The following NCKAP5L variants were observed in gnomAD, a reference collection of about 807,000 sequenced individuals.
NCKAP5L encodes nck-associated protein 5-like.
In NCKAP5L, 54 loss-of-function variants were observed where a neutral mutation model predicts 103.2. The ratio of observed to expected loss-of-function variants is 0.52; its 90% CI spans 0.42 to 0.66. The LOEUF (loss-of-function observed/expected upper bound fraction) is 0.66. NCKAP5L is among the 30% of genes least tolerant of loss of function. The pLI, the probability that NCKAP5L is intolerant of heterozygous loss-of-function variation, is 0.00. For synonymous variants in NCKAP5L, 762 were observed against 748.6 expected, an observed-to-expected ratio of 1.02 and a Z score of -0.29; for missense variants, 1,733 against 1,750.6, an observed-to-expected ratio of 0.99 and a Z score of 0.18.
chr12:49,797,430 C>T lies in NCKAP5L; in HGVS notation c.466-36G>A, dbSNP rs745725265. 1 of 1,479,352 alleles carries T rather than the reference C, an allele frequency of 6.8e-7. No homozygotes were observed. Among genetic ancestry groups the T allele is most frequent in the Admixed American group, 2.0e-5 (1 of 49,900 alleles). The allele number at this position is 1,479,352 out of a possible 1,614,324, so 91.6% of individuals were successfully genotyped here. A position where few individuals can be genotyped will look rare whatever the true frequency, so the allele number is the denominator to read the frequency against. On this transcript the variant is annotated intron_variant, in intron 7 of 12. Coordinates refer to ENST00000335999, the MANE Select transcript of NCKAP5L (RefSeq NM_001037806.4). This position sits in a 1 kb window ranked among gnomAD's most constrained non-coding sequence, Gnocchi z 4.5. The stretch of plus-strand genomic sequence containing the variant: ...AGATGATGGCATGAGGAGGAGACCA[C>T]ACACAGCTGGGATCCAGTTCCAGGC...
intron 1 of NCKAP5L, among the ~76,000 whole-genome samples, chr12:49,807,246 CGTGTGTGTGTGTGT>C (rs67299530): frequency 6.7e-6 from 1 of 149,162 alleles, no homozygotes; most frequent in Non-Finnish European, 1.5e-5. Flanking sequence ...AATGCTTCTT[CGTGTGTGTGTGTGT>C]GTGTGTGTGT....
At position 49,795,889 on chromosome 12, in the gene NCKAP5L, G is replaced by T; in HGVS notation, c.1971C>A (p.Gly657=). 6.5e-7 allele frequency: 1 copy of T among 1,545,094 alleles called. No homozygotes were observed. Among genetic ancestry groups the T allele is most frequent in the African/African-American group, 1.4e-5 (1 of 72,118 alleles). The part of the protein sequence containing the change: ...QGSGRRPGDP[G]STPLRDRLAA... ...CCAGTCTGTCCCGCAGAGGTGTGCTGCCAGGATCCCCAGGTCGCCGTCCTG... is the reference window on the plus strand; with the variant it reads ...CCAGTCTGTCCCGCAGAGGTGTGCTTCCAGGATCCCCAGGTCGCCGTCCTG... The change falls in exon 8 of 13, where the codon GGC becomes GGA. Residue 657 remains glycine (G), a synonymous_variant. Coordinates refer to ENST00000335999, the MANE Select transcript of NCKAP5L (RefSeq NM_001037806.4).
chr12:49,793,746 T>C lies in NCKAP5L; in HGVS notation c.3246A>G (p.Lys1082=). 1 of 1,552,814 alleles carries C rather than the reference T, an allele frequency of 6.4e-7. No homozygotes were observed. The highest frequency in any genetic ancestry group is 8.7e-7 in the Non-Finnish European group (1 of 1,150,502). Residue 1082 remains lysine, a synonymous_variant, in exon 9 of 13, where the codon AAA becomes AAG. Transcript: ENST00000335999. ...GLVGPLQGCG[K]PPGKPSSEPG... is the part of the protein sequence containing the mutation. ...CCCAAGAACTTACCTTTCCAGGAGG[T>C]TTTCCGCAGCCCTGAAGAGGGCCCA...
rs1458644494 is a variant in NCKAP5L at position 49,795,227 on chromosome 12, G to A, written c.2633C>T (p.Ala878Val). 6.4e-7 allele frequency: 1 copy of A among 1,564,642 alleles called. No homozygotes were observed. The highest frequency in any genetic ancestry group is 8.7e-7 in the Non-Finnish European group (1 of 1,155,872). The stretch of plus-strand genomic sequence containing the variant: ...CTTCTCCTCGATGGCTGAGTGTGGG[G>A]CCAGCCCCTCAGGGCCCTGACTTGG... ...TDPSQGPEGL[A>V]PHSAIEEKVM... Residue 878 changes from alanine (A) to valine (V), a missense_variant, in exon 8 of 13, where the codon GCC becomes GTC. Transcript: ENST00000335999.
Position 49,796,378 on chromosome 12 carries a change from G to T in NCKAP5L, c.1482C>A (p.Asp494Glu). The T allele has an allele frequency of 6.3e-7, 1 of 1,579,188 alleles. No individual in the cohort carries two copies. The highest frequency in any genetic ancestry group is 8.6e-7 in the Non-Finnish European group (1 of 1,162,744). ...SRIPCRNSGS[D>E]GSPSPLLARR... ...GGGCCAACAGTGGGGAGGGGCTGCC[G>T]TCTGAGCCACTGTTCCGACAGGGGA... Residue 494 changes from aspartate (D) to glutamate (E), a missense_variant, in exon 8 of 13, where the codon GAC (aspartate) becomes GAA (glutamate). Transcript: ENST00000335999.
At chr12:49,816,495 CAAAAA>C (rs1163941989) in intron 1 of NCKAP5L, among the ~76,000 whole-genome samples, 5 of 49,434 alleles carry the variant, frequency 1.0e-4, no homozygotes, top group African/African-American at 3.8e-4. Context: ...TCAACCCTCT[CAAAAA>C]AAAAAAAAAA....
chr12:49,822,419 G>C (rs550215975), intron 1 of NCKAP5L, among the ~76,000 whole-genome samples: 55 of 152,208 alleles, frequency 3.6e-4, no homozygotes, highest in African/African-American at 1.3e-3. Flanking sequence ...ATGCTACGCT[G>C]TATTTTGGGT....
At chr12:49,798,018 T>C (rs189579341) in intron 7 of NCKAP5L, among the ~76,000 whole-genome samples, 28 of 152,258 alleles carry the variant, frequency 1.8e-4, no homozygotes, top group Admixed American at 1.8e-3. Context: ...GCCTTCAAGT[T>C]ATTTGAGCTC....
chr12:49,795,691 C>T lies in NCKAP5L; in HGVS notation c.2169G>A (p.Gly723=). ...HRPLEQLEAK[G]GIRGAVALGT... ...CCAAGGCCACTGCCCCCCGTATCCC[C>T]CCCTTGGCTTCTAGCTGCTCCAGTG... is the stretch of plus-strand genomic sequence containing the variant. Residue 723 remains glycine, a synonymous_variant, in exon 8 of 13, where the codon GGG becomes GGA. Coordinates refer to ENST00000335999, the MANE Select transcript of NCKAP5L (RefSeq NM_001037806.4). 6.2e-7 allele frequency: 1 copy of T among 1,612,356 alleles called. No homozygotes were observed. The highest frequency in any genetic ancestry group is 8.5e-7 in the Non-Finnish European group (1 of 1,179,230).
intron 1 of NCKAP5L, among the ~76,000 whole-genome samples, chr12:49,812,604 G>A (rs1034969675): frequency 6.6e-6 from 1 of 151,948 alleles, no homozygotes; most frequent in African/African-American, 2.4e-5. Context: ...GGCTGATCTC[G>A]AACTCCTGAC....
chr12:49,798,436 A>G lies in NCKAP5L; in HGVS notation c.379T>C (p.Ser127Pro), dbSNP rs780705183. ...AGGGAGGGGGAGGCTGGTGGCTCTG[A>G]TGGTGGCTGGAGTGGAGTGAGTGGG... ...QIPLTPLQPP[S>P]EPPASPSLSS... The change falls in exon 7 of 13, where the codon TCA becomes CCA. Residue 127 changes from serine (S) to proline (P), a missense_variant. Ser to Pro is a moderately conservative substitution (Grantham distance 74). Transcript: ENST00000335999. 1 of 1,581,188 alleles carries G rather than the reference A, an allele frequency of 6.3e-7. No homozygotes were observed. The highest frequency in any genetic ancestry group is 1.2e-5 in the South Asian group (1 of 86,318).
chr12:49,795,189 T>C lies in NCKAP5L; in HGVS notation c.2671A>G (p.Ile891Val). 6.3e-7 allele frequency: 1 copy of C among 1,596,120 alleles called. No homozygotes were observed. Residue 891 changes from isoleucine to valine, a missense_variant, in exon 8 of 13, where the codon ATT becomes GTT. Coordinates refer to ENST00000335999, the MANE Select transcript of NCKAP5L (RefSeq NM_001037806.4). ...TGGAGCCGCAGCACGTTCTCCTCAA[T>C]GCCCTTCATCACCTTCTCCTCGATG... ...SAIEEKVMKGIEENVLRLQGQ... is the reference protein window; with the variant it reads ...SAIEEKVMKGVEENVLRLQGQ...
Position 49,794,997 on chromosome 12 carries a change from T to G in NCKAP5L, c.2863A>C (p.Lys955Gln). 1 of 1,598,024 alleles carries G rather than the reference T, an allele frequency of 6.3e-7. No homozygotes were observed. The highest frequency in any genetic ancestry group is 8.5e-7 in the Non-Finnish European group (1 of 1,172,710). The change falls in exon 8 of 13, where the codon AAG (lysine) becomes CAG (glutamine). Residue 955 changes from lysine to glutamine, a missense_variant. Physicochemically the swap from Lys to Gln is moderately conservative, Grantham distance 53. Transcript: ENST00000335999. ...GCCTCCAGCTTCCGGGCTTCCATCTTGACTTCCCTCCGGAGCGGGGAGCCC... is the reference window on the plus strand; with the variant it reads ...GCCTCCAGCTTCCGGGCTTCCATCTGGACTTCCCTCCGGAGCGGGGAGCCC... The part of the protein sequence containing the change: ...GGGSPLRREV[K>Q]MEARKLEAES...
chr12:49,811,008 C>A (rs1377544532), intron 1 of NCKAP5L, among the ~76,000 whole-genome samples: 2 of 151,934 alleles, frequency 1.3e-5, no homozygotes, highest in African/African-American at 4.8e-5. Context: ...TGGAAGCTAT[C>A]TATTAGCTAC....
At chr12:49,814,400 T>G (rs1480459302) in intron 1 of NCKAP5L, among the ~76,000 whole-genome samples, 2 of 148,256 alleles carry the variant, frequency 1.3e-5, no homozygotes, top group African/African-American at 5.0e-5. Flanking sequence ...AGGAGAACCG[T>G]GTGAACCCGG....
At chr12:49,825,673 A>G (rs957960527) in intron 1 of NCKAP5L, among the ~76,000 whole-genome samples, 1 of 152,156 alleles carries the variant, frequency 6.6e-6, no homozygotes, top group African/African-American at 2.4e-5. Context: ...AGCGGTAAGG[A>G]AGGCTTCCTT....
In NCKAP5L at chr12:49,796,091, T is replaced by G. The variant is rs747124227; in HGVS notation, c.1769A>C (p.Glu590Ala). 1 of 1,605,262 alleles carries G rather than the reference T, an allele frequency of 6.2e-7. No homozygotes were observed. Among genetic ancestry groups the G allele is most frequent in the East Asian group, 2.2e-5 (1 of 44,868 alleles). ...GAGGACCTCAGGGGCCTGTGGTACC[T>G]CCAGAGTTAGCTGTGGGTAGGTGGG... ...QVPTYPQLTL[E>A]VPQAPEVLRS... The change falls in exon 8 of 13, where the codon GAG becomes GCG. Residue 590 changes from glutamate (E) to alanine (A), a missense_variant. By Grantham distance (107) the Glu-to-Ala change is moderately radical. Coordinates refer to ENST00000335999, the MANE Select transcript of NCKAP5L (RefSeq NM_001037806.4).
At chr12:49,826,121 G>T (rs369018326) in intron 1 of NCKAP5L, among the ~76,000 whole-genome samples, 5 of 151,752 alleles carry the variant, frequency 3.3e-5, no homozygotes, top group South Asian at 2.1e-4. Flanking sequence ...GGACCTGGGG[G>T]TGTGAGTACA....
At chr12:49,793,573 T>A (rs968193062) in intron 9 of NCKAP5L, 140 bp from the exon 10 acceptor site, 1 of 1,227,672 alleles carries the variant, frequency 8.1e-7, no homozygotes, top group Non-Finnish European at 1.1e-6. Context: ...TGAGAGCCCC[T>A]GCAGACTGGG....
Sources: gnomAD v4.1 joint callset for allele counts (sites outside exome capture counted in the v4.1 genomes callset) on GRCh38, gnomAD v4.1.1 for gene constraint, Gnocchi (gnomAD v3.1) non-coding constraint, MANE v1.5 for transcripts, NCBI Gene and HGNC (gene_info 2026-07-23, HGNC 2026-07-21) for gene names.